The following STIL variants were observed in gnomAD, a reference collection of about 807,000 sequenced individuals.
STIL encodes SCL-interrupting locus protein.
Under a neutral mutation model 110.1 loss-of-function variants are expected in STIL, and 55 were observed. That is an observed-to-expected ratio of 0.50 (90% CI 0.40 to 0.63). STIL has a LOEUF of 0.63. STIL is among the 20% of genes least tolerant of loss of function. The pLI, the probability that STIL is intolerant of heterozygous loss-of-function variation, is 0.00. For synonymous variants in STIL, 481 were observed against 530.0 expected (o/e 0.91, Z 1.27); for missense variants, 1,358 against 1,530.0 (o/e 0.89, Z 1.87).
intron 12 of STIL, among the ~76,000 whole-genome samples, chr1:47,279,282 CA>C (rs11325942): frequency 0.51 from 54,496 of 107,014 alleles, 11,246 homozygotes; most frequent in Middle Eastern, 0.64. Context: ...TACTCCGTCT[CA>C]AAAAAAAAAA....
rs1372840768 is a variant in STIL at position 47,279,488 on chromosome 1, ACAC to A, written c.2217+750_2217+752del. Among the ~76,000 whole-genome samples the A allele has an allele frequency of 9.9e-5, 15 of 152,098 alleles. No individual in the cohort carries two copies. In the East Asian group the frequency reaches 2.5e-3, roughly 25 times the overall value. On this transcript the variant is annotated intron_variant, in intron 12 of 16. Transcript: ENST00000371877. ...AAAAAAGACAACACTTACACACTAA[ACAC>A]TGCGCAAGGATATAATTAAGACAAA...
chr1:47,301,147 G>A (rs1645792327), intron 5 of STIL, among the ~76,000 whole-genome samples: 1 of 152,042 alleles, frequency 6.6e-6, no homozygotes, highest in Non-Finnish European at 1.5e-5. Flanking sequence ...GGAGTGCAGT[G>A]GTGTGATCAC....
chr1:47,252,219 A>T (rs1644204756), intron 16 of STIL, among the ~76,000 whole-genome samples: 1 of 152,132 alleles, frequency 6.6e-6, no homozygotes, highest in Non-Finnish European at 1.5e-5. Context: ...TGTCTCTACA[A>T]AAAAATTTAA....
intron 14 of STIL, among the ~76,000 whole-genome samples, chr1:47,266,647 C>CATTT (rs1644662011): frequency 6.6e-6 from 1 of 152,238 alleles, no homozygotes; most frequent in South Asian, 2.1e-4. Context: ...TTTATACCTA[C>CATTT]ATTTTTCTTT....
chr1:47,263,497 T>C lies in STIL; in HGVS notation c.2616-381A>G, dbSNP rs539244531. ...ATTCGAGGCTGCAGTGAGCTATGAT[T>C]GTACCACTGCACTCAGCCTAGGCAT... On this transcript the variant is annotated intron_variant, in intron 14 of 16. Coordinates refer to ENST00000371877, the MANE Select transcript of STIL (RefSeq NM_001048166.1). Among the ~76,000 whole-genome samples the C allele has an allele frequency of 2.0e-5, 3 of 152,174 alleles. No homozygotes were observed. In the South Asian group the frequency reaches 6.2e-4, roughly 32 times the overall value.
intron 5 of STIL, 119 bp downstream of exon 5, chr1:47,301,442 C>T: frequency 8.3e-7 from 1 of 1,198,088 alleles, no homozygotes. Context: ...TTTAGGTTCA[C>T]AATAATTCAA....
chr1:47,263,902 A>G (rs1452138410), intron 14 of STIL, among the ~76,000 whole-genome samples: 1 of 151,834 alleles, frequency 6.6e-6, no homozygotes, highest in Non-Finnish European at 1.5e-5. Flanking sequence ...ACAGGCATGC[A>G]CCACCATGCT....
In STIL at chr1:47,280,908, T is replaced by TG; in HGVS notation, c.1549dup (p.His517ProfsTer7). On this transcript the variant is annotated frameshift_variant, in exon 12 of 17. Transcript: ENST00000371877. LOFTEE classifies it high-confidence loss of function. ...AGATGGTTTAATACTGTTCCTGGTA[T>TG]GGGGGTTCCCTTTCTTATAGGCAGG... The TG allele has an allele frequency of 6.2e-7, 1 of 1,614,212 alleles. No homozygotes were observed. The highest frequency in any genetic ancestry group is 8.5e-7 in the Non-Finnish European group (1 of 1,180,024).
intron 8 of STIL, among the ~76,000 whole-genome samples, chr1:47,291,043 G>A (rs1055870674): frequency 2.0e-5 from 3 of 152,026 alleles, no homozygotes; most frequent in African/African-American, 7.2e-5. Flanking sequence ...ACCTTAAGTC[G>A]GCCTCCCTGA....
intron 10 of STIL, 83 bp from the exon 11 acceptor site, chr1:47,282,542 T>C: frequency 1.3e-6 from 1 of 789,498 alleles, no homozygotes; most frequent in Non-Finnish European, 2.2e-6. Context: ...AGTCCTTTAA[T>C]AAGTTGCAGT....
chr1:47,305,725 C>CTTT (rs71572652), intron 2 of STIL, among the ~76,000 whole-genome samples: 712 of 43,414 alleles, frequency 0.016, 49 homozygotes, highest in South Asian at 0.023. Context: ...CACGCCTGGC[C>CTTT]TTTTTTTTTT....
intron 10 of STIL, among the ~76,000 whole-genome samples, chr1:47,285,714 C>T (rs1645277350): frequency 6.6e-6 from 1 of 152,008 alleles, no homozygotes; most frequent in Non-Finnish European, 1.5e-5. Flanking sequence ...CTGCTTCTGC[C>T]TCCCAAAGTG....
chr1:47,258,657 C>A (rs1325639274), intron 16 of STIL, among the ~76,000 whole-genome samples: 2 of 152,040 alleles, frequency 1.3e-5, no homozygotes, highest in African/African-American at 4.8e-5. Flanking sequence ...TTGCTTGAGT[C>A]TAAGAGTTTG....
chr1:47,260,291 G>T lies in STIL; in HGVS notation c.3078C>A (p.Ala1026=). 6.2e-7 allele frequency: 1 copy of T among 1,612,784 alleles called. No homozygotes were observed. The highest frequency in any genetic ancestry group is 8.5e-7 in the Non-Finnish European group (1 of 1,179,638). The part of the protein sequence containing the change: ...VKKNAHNVDH[A]SVLACISPEA... ...TAAAACAAAATTTTAAAAGTTACCT[G>T]GCGTGATCCACGTTATGTGCATTTT... Residue 1026 remains alanine (A), a splice_region_variant and synonymous_variant, in exon 16 of 17, where the codon GCC becomes GCA. Transcript: ENST00000371877.
intron 12 of STIL, among the ~76,000 whole-genome samples, chr1:47,279,727 C>CAAAAAAAA (rs11371469): frequency 3.6e-5 from 3 of 82,824 alleles, no homozygotes; most frequent in African/African-American, 8.3e-5. Context: ...GACTCCGTCT[C>CAAAAAAAA]AAAAAAAAAA....
intron 14 of STIL, 27 bp from the exon 15 acceptor site, chr1:47,263,143 C>T (rs1314666422): frequency 1.3e-6 from 2 of 1,590,696 alleles, no homozygotes; most frequent in Admixed American, 3.4e-5. Flanking sequence ...ATGTGTTAGT[C>T]ATTGAGGTAC....
Position 47,251,762 on chromosome 1 carries a change from G to C in STIL, c.3241C>G (p.Leu1081Val), listed in dbSNP as rs377019581. The C allele has an allele frequency of 6.2e-7, 1 of 1,613,766 alleles. No homozygotes were observed. The highest frequency in any genetic ancestry group is 1.3e-5 in the African/African-American group (1 of 75,026). The change falls in exon 17 of 17, where the codon CTG (leucine) becomes GTG (valine). Residue 1081 changes from leucine (L) to valine (V), a missense_variant. Physicochemically the swap from Leu to Val is conservative, Grantham distance 32. Coordinates refer to ENST00000371877, the MANE Select transcript of STIL (RefSeq NM_001048166.1). Reference protein sequence around the residue: ...KYLNENQLSQLSVTRSNQNNC... With the variant: ...KYLNENQLSQVSVTRSNQNNC... Reference sequence around the variant, plus strand: ...TTTTGGTTCGATCGAGTGACAGACAGTTGTGACAGCTGATTTTCATTTAAA... The same window carrying C: ...TTTTGGTTCGATCGAGTGACAGACACTTGTGACAGCTGATTTTCATTTAAA...
intron 16 of STIL, among the ~76,000 whole-genome samples, chr1:47,258,039 C>T (rs976108285): frequency 6.6e-6 from 1 of 152,108 alleles, no homozygotes; most frequent in Non-Finnish European, 1.5e-5. Flanking sequence ...TTTCCATTTC[C>T]GAGATTCTAT....
Position 47,272,117 on chromosome 1 carries a change from C to G in STIL, c.2342G>C (p.Gly781Ala). 7 of 1,614,148 alleles carry G rather than the reference C, an allele frequency of 4.3e-6. No individual in the cohort carries two copies. The highest frequency in any genetic ancestry group is 5.9e-6 in the Non-Finnish European group (7 of 1,180,018). ...GCTTACACCTTTTCTCATGTGCAAG[C>G]CAGGGGAAGACTGTGCTTCCACAGA... is the stretch of plus-strand genomic sequence containing the variant. ...LVSVEAQSSP[G>A]LHMRKGVSIA... is the part of the protein sequence containing the mutation. The change falls in exon 13 of 17, where the codon GGC (glycine) becomes GCC (alanine). Residue 781 changes from glycine to alanine, a missense_variant. Transcript: ENST00000371877.
Sources: allele counts gnomAD v4.1 joint callset (sites outside exome capture counted in the v4.1 genomes callset), GRCh38; gene constraint gnomAD v4.1.1; transcripts MANE v1.5; gene names NCBI Gene and HGNC (gene_info 2026-07-23, HGNC 2026-07-21).